Variants in NALCN observed in about 807,000 individuals in gnomAD.
NALCN encodes sodium leak channel NALCN.
In NALCN, 111 loss-of-function variants were observed where a neutral mutation model predicts 225.3. The ratio of observed to expected loss-of-function variants is 0.49; its 90% confidence interval spans 0.42 to 0.58. The LOEUF (loss-of-function observed/expected upper bound fraction) is 0.58. NALCN is among the 20% of genes least tolerant of loss of function. NALCN has a pLI of 0.00. For synonymous variants in NALCN, 764 were observed against 769.0 expected, an observed-to-expected ratio of 0.99 and a Z score of 0.11; for missense variants, 1,378 against 2,202.4, an observed-to-expected ratio of 0.63 and a Z score of 7.49.
chr13:101,225,619 AGACT>A (rs1391825280), intron 13 of NALCN, among the ~76,000 whole-genome samples: 1 of 152,190 alleles, frequency 6.6e-6, no homozygotes, highest in African/African-American at 2.4e-5. Context: ...CCTCCAAAAT[AGACT>A]GGGATTAGAT....
chr13:101,314,107 A>G (rs554957023), intron 7 of NALCN, among the ~76,000 whole-genome samples: 21 of 143,392 alleles, frequency 1.5e-4, no homozygotes, highest in African/African-American at 5.2e-4. Context: ...TGGGAATTGA[A>G]CAATGAGAAC....
At chr13:101,096,458 A>G (rs905242578) in intron 27 of NALCN, among the ~76,000 whole-genome samples, 10 of 152,178 alleles carry the variant, frequency 6.6e-5, no homozygotes, top group African/African-American at 2.4e-4. Context: ...GCTAATTGAG[A>G]AAAAAGTCAC....
chr13:101,411,786 G>T (rs932805787), intron 1 of NALCN, among the ~76,000 whole-genome samples: 5 of 151,820 alleles, frequency 3.3e-5, no homozygotes, highest in Admixed American at 2.6e-4. Context: ...ACAATTTTTT[G>T]AACTGTTTTC....
At chr13:101,383,426 T>C (rs1344735937) in intron 3 of NALCN, among the ~76,000 whole-genome samples, 1 of 152,116 alleles carries the variant, frequency 6.6e-6, no homozygotes, top group African/African-American at 2.4e-5. Context: ...AAGAAGTCTA[T>C]CTCTCATGGT....
intron 13 of NALCN, among the ~76,000 whole-genome samples, chr13:101,212,943 CTACTT>C (rs1397882778): frequency 6.6e-6 from 1 of 152,138 alleles, no homozygotes; most frequent in Admixed American, 6.6e-5. Context: ...TTGGAAAAAA[CTACTT>C]TAAAGTTCAT....
chr13:101,112,920 T>C (rs1181179719), intron 18 of NALCN, among the ~76,000 whole-genome samples: 2 of 152,074 alleles, frequency 1.3e-5, no homozygotes, highest in African/African-American at 2.4e-5. Flanking sequence ...AGAACTTATA[T>C]AATACATCAT....
intron 17 of NALCN, among the ~76,000 whole-genome samples, chr13:101,131,121 A>G (rs537142140): frequency 2.5e-4 from 38 of 151,808 alleles, no homozygotes; most frequent in African/African-American, 6.5e-4. Flanking sequence ...TTTAGTTTTC[A>G]TTGCTTTAAT....
At chr13:101,359,029 G>A (rs962263943) in intron 6 of NALCN, among the ~76,000 whole-genome samples, 1 of 152,024 alleles carries the variant, frequency 6.6e-6, no homozygotes, top group African/African-American at 2.4e-5. Flanking sequence ...GTCTGTCGCG[G>A]GGTGAGGGGC....
chr13:101,149,261 C>A (rs1057293125), intron 15 of NALCN, among the ~76,000 whole-genome samples: 1 of 149,788 alleles, frequency 6.7e-6, no homozygotes, highest in East Asian at 2.0e-4. Context: ...CCACTGCACT[C>A]CAGCCTGGGG....
chr13:101,400,928 T>G (rs2047459281), intron 1 of NALCN, among the ~76,000 whole-genome samples: 1 of 152,018 alleles, frequency 6.6e-6, no homozygotes, highest in Non-Finnish European at 1.5e-5. Context: ...CAGTTCCTAC[T>G]TCACACACTC....
At chr13:101,086,010 T>C (rs1594172787) in intron 30 of NALCN, among the ~76,000 whole-genome samples, 1 of 152,146 alleles carries the variant, frequency 6.6e-6, no homozygotes, top group Non-Finnish European at 1.5e-5. Flanking sequence ...TTTCTATACC[T>C]ATAACAATAC....
chr13:101,333,549 C>T (rs2045260450), intron 7 of NALCN, among the ~76,000 whole-genome samples: 1 of 152,172 alleles, frequency 6.6e-6, no homozygotes, highest in Admixed American at 6.5e-5. Flanking sequence ...AGCACTTTGT[C>T]AAAGGCTGGG....
intron 13 of NALCN, among the ~76,000 whole-genome samples, chr13:101,220,542 T>C (rs574615479): frequency 2.6e-4 from 39 of 152,310 alleles, no homozygotes; most frequent in African/African-American, 9.1e-4. Flanking sequence ...GTAACATTTA[T>C]GTGAAAGGAA....
chr13:101,235,609 T>C (rs999514953), intron 12 of NALCN, among the ~76,000 whole-genome samples: 8 of 152,164 alleles, frequency 5.3e-5, no homozygotes, highest in Admixed American at 2.6e-4. Flanking sequence ...AACATGTATA[T>C]CTCTTGCCCC....
At chr13:101,394,910 A>G (rs992625643) in intron 3 of NALCN, among the ~76,000 whole-genome samples, 2 of 151,972 alleles carry the variant, frequency 1.3e-5, no homozygotes, top group Non-Finnish European at 2.9e-5. Context: ...GAATAACCCT[A>G]CTCGAGACTT....
intron 1 of NALCN, among the ~76,000 whole-genome samples, chr13:101,414,547 C>T (rs1026707299): frequency 2.3e-4 from 21 of 91,868 alleles, no homozygotes; most frequent in Non-Finnish European, 4.9e-4. Context: ...ACAAAGCATG[C>T]CGGAATGATA....
chr13:101,315,034 C>T (rs2044504468), intron 7 of NALCN, among the ~76,000 whole-genome samples: 1 of 59,334 alleles, frequency 1.7e-5, no homozygotes, highest in Non-Finnish European at 3.8e-5. Flanking sequence ...TGGAGAGAGG[C>T]TTTAAGGAAT....
At chr13:101,056,624 G>A (rs1393615132) in intron 43 of NALCN, among the ~76,000 whole-genome samples, 1 of 150,942 alleles carries the variant, frequency 6.6e-6, no homozygotes, top group African/African-American at 2.5e-5. Context: ...CAAGGACTGT[G>A]CATTCTCCCC....
intron 15 of NALCN, 63 bp from the exon 16 acceptor site, chr13:101,144,959 CA>C (rs2037275627): frequency 1.3e-6 from 2 of 1,488,042 alleles, no homozygotes; most frequent in Non-Finnish European, 1.8e-6. Context: ...ATACGTTACA[CA>C]AAATTAGTTT....
Sources: allele counts gnomAD v4.1 joint callset (sites outside exome capture counted in the v4.1 genomes callset), GRCh38; gene constraint gnomAD v4.1.1; transcripts MANE v1.5; gene names NCBI Gene and HGNC (gene_info 2026-07-23, HGNC 2026-07-21).